PTDSS1: variants seen among roughly 807,000 people sequenced by gnomAD.
PTDSS1 encodes the protein phosphatidylserine synthase 1.
A neutral mutation model predicts 70.5 loss-of-function variants in PTDSS1; 45 were observed. The ratio of observed to expected loss-of-function variants is 0.64; its 90% CI spans 0.50 to 0.82. PTDSS1 has a LOEUF of 0.82. Among genes scored for constraint, PTDSS1 ranks in the 40% least tolerant of loss-of-function variants. The pLI is 0.00. For synonymous variants in PTDSS1, 188 were observed against 203.8 expected (o/e 0.92, Z 0.66); for missense variants, 417 against 586.1 (o/e 0.71, Z 2.98).
intron 1 of PTDSS1, among the ~76,000 whole-genome samples, chr8:96,271,650 A>C (rs562908798): frequency 3.0e-4 from 46 of 152,312 alleles, no homozygotes; most frequent in African/African-American, 9.9e-4. Flanking sequence ...TGATTTATTT[A>C]TACTGCTACC....
At chr8:96,281,839 C>CG (rs1230691530) in intron 2 of PTDSS1, among the ~76,000 whole-genome samples, 1 of 152,148 alleles carries the variant, frequency 6.6e-6, no homozygotes, top group Non-Finnish European at 1.5e-5. Context: ...TGCATGACCC[C>CG]GGGCAGGTTC....
intron 4 of PTDSS1, among the ~76,000 whole-genome samples, chr8:96,288,572 T>A (rs1292121321): frequency 6.7e-6 from 1 of 148,628 alleles, no homozygotes; most frequent in Non-Finnish European, 1.5e-5. Flanking sequence ...ATGATCTGCC[T>A]GCTTCGGCCT....
In PTDSS1 at chr8:96,287,017, C is replaced by T; in HGVS notation, c.317-5C>T. 6.2e-7 allele frequency: 1 copy of T among 1,613,924 alleles called. No homozygotes were observed. On this transcript the variant is annotated splice_region_variant and splice_polypyrimidine_tract_variant and intron_variant, in intron 3 of 12. Transcript: ENST00000517309. Reference sequence around the variant, plus strand: ...TAAACTTCAGCATGTTTTTGTTTCTCTCAGGACTCAGTGTGCTCTACTTCC... The same window carrying T: ...TAAACTTCAGCATGTTTTTGTTTCTTTCAGGACTCAGTGTGCTCTACTTCC...
intron 2 of PTDSS1, among the ~76,000 whole-genome samples, chr8:96,275,187 C>T (rs988028733): frequency 6.6e-6 from 1 of 152,130 alleles, no homozygotes; most frequent in Non-Finnish European, 1.5e-5. Context: ...CTGTGTTACC[C>T]AGGCTGGAGT....
At chr8:96,290,728 C>T (rs1169406282) in intron 4 of PTDSS1, among the ~76,000 whole-genome samples, 3 of 151,954 alleles carry the variant, frequency 2.0e-5, no homozygotes, top group Admixed American at 6.6e-5. Flanking sequence ...AGTCCCTACT[C>T]TCTCCACTCC....
chr8:96,284,052 G>C (rs2130047831), intron 2 of PTDSS1, 57 bp from the exon 3 acceptor site: 1 of 1,431,040 alleles, frequency 7.0e-7, no homozygotes, highest in Non-Finnish European at 9.8e-7. Flanking sequence ...AGCACCTTAA[G>C]TTTTAGCCTT....
At chr8:96,318,729 T>G (rs1039488430) in intron 9 of PTDSS1, among the ~76,000 whole-genome samples, 1 of 152,136 alleles carries the variant, frequency 6.6e-6, no homozygotes, top group African/African-American at 2.4e-5. Context: ...CCAGACTCTC[T>G]AAAGACAAAT....
chr8:96,310,472 T>C (rs560851009), intron 9 of PTDSS1, among the ~76,000 whole-genome samples: 6 of 134,072 alleles, frequency 4.5e-5, no homozygotes, highest in African/African-American at 1.3e-4. Flanking sequence ...TTGGCTCTCT[T>C]TTTTTTTTTT....
chr8:96,307,603 C>T (rs1410445523), intron 8 of PTDSS1, among the ~76,000 whole-genome samples: 1 of 152,084 alleles, frequency 6.6e-6, no homozygotes, highest in African/African-American at 2.4e-5. Context: ...GCCAGCAGCC[C>T]TTTGAAACTT....
chr8:96,306,205 G>C (rs1400313877), intron 7 of PTDSS1, among the ~76,000 whole-genome samples: 1 of 152,124 alleles, frequency 6.6e-6, no homozygotes, highest in African/African-American at 2.4e-5. Context: ...TGATAATCCT[G>C]TTCCCCTATG....
intron 7 of PTDSS1, among the ~76,000 whole-genome samples, chr8:96,305,191 A>G (rs538992960): frequency 5.3e-5 from 8 of 152,318 alleles, no homozygotes; most frequent in Non-Finnish European, 1.0e-4. Context: ...GGAGAGTAGT[A>G]TAGTGCCGTT....
At chr8:96,309,317 C>T (rs144564067) in intron 8 of PTDSS1, 9 of 339,746 alleles carry the variant, frequency 2.6e-5, no homozygotes, top group Non-Finnish European at 4.8e-5. Flanking sequence ...GGCACTCAGA[C>T]CAGACAAGAA....
At chr8:96,294,393 T>G (rs1810946583) in intron 4 of PTDSS1, among the ~76,000 whole-genome samples, 1 of 152,204 alleles carries the variant, frequency 6.6e-6, no homozygotes, top group Non-Finnish European at 1.5e-5. Context: ...ATTATCATAT[T>G]GTCATGCAGT....
At chr8:96,296,280 A>G (rs1810975226) in intron 5 of PTDSS1, among the ~76,000 whole-genome samples, 1 of 151,646 alleles carries the variant, frequency 6.6e-6, no homozygotes, top group Non-Finnish European at 1.5e-5. Context: ...CTGGAACTAC[A>G]GGCGTGTGCC....
chr8:96,266,955 C>T (rs1226827918), intron 1 of PTDSS1, among the ~76,000 whole-genome samples: 1 of 152,102 alleles, frequency 6.6e-6, no homozygotes, highest in African/African-American at 2.4e-5. Context: ...ACTTGGGTGA[C>T]TTAAATATTT....
intron 1 of PTDSS1, among the ~76,000 whole-genome samples, chr8:96,270,194 GA>G (rs1295022186): frequency 6.6e-6 from 1 of 152,064 alleles, no homozygotes; most frequent in Non-Finnish European, 1.5e-5. Flanking sequence ...TGCAGATTAT[GA>G]TCATTTCCTG....
chr8:96,317,128 T>C (rs1030946955), intron 9 of PTDSS1, among the ~76,000 whole-genome samples: 1 of 151,804 alleles, frequency 6.6e-6, no homozygotes, highest in East Asian at 1.9e-4. Context: ...TTAAACCCTC[T>C]GCTCTAGACC....
intron 1 of PTDSS1, among the ~76,000 whole-genome samples, chr8:96,267,382 C>T (rs1206467088): frequency 1.3e-5 from 2 of 152,190 alleles, no homozygotes; most frequent in African/African-American, 4.8e-5. Flanking sequence ...GCTTTCGGGA[C>T]TGTTCTCTTT....
chr8:96,308,776 T>C (rs1001810551), intron 8 of PTDSS1, among the ~76,000 whole-genome samples: 1 of 152,200 alleles, frequency 6.6e-6, no homozygotes, highest in East Asian at 1.9e-4. Context: ...TGTATGTTCC[T>C]TTTTACTTTT....
Sources: allele counts gnomAD v4.1 joint callset (sites outside exome capture counted in the v4.1 genomes callset), GRCh38; gene constraint gnomAD v4.1.1; transcripts MANE v1.5; gene names NCBI Gene and HGNC (gene_info 2026-07-23, HGNC 2026-07-21).